Variants in IRX2 observed in about 807,000 individuals in gnomAD.
The protein encoded by IRX2 is iroquois homeobox 2.
A neutral mutation model predicts 42.9 loss-of-function variants in IRX2; 26 were observed. The observed-to-expected ratio is 0.61, with a 90% CI of 0.44 to 0.84. The LOEUF (loss-of-function observed/expected upper bound fraction) is 0.84. IRX2 is among the 40% of genes least tolerant of loss of function. The probability of loss-of-function intolerance (pLI) is 0.00; values close to 1 mark genes in which losing one functional copy is unlikely to be tolerated. For synonymous variants in IRX2, 424 were observed against 353.9 expected (o/e 1.20, Z -2.22); for missense variants, 782 against 713.9 (o/e 1.10, Z -1.09).
chr5:2,738,770 C>T, the IRX2 span, among the ~76,000 whole-genome samples: 3 of 152,180 alleles, frequency 2.0e-5, no homozygotes, highest in Admixed American at 2.0e-4. Context: ...TCCCCACCTG[C>T]GGGAGGCCAG....
intron 1 of IRX2, among the ~76,000 whole-genome samples, chr5:2,750,516 C>T (rs1737906974): frequency 6.6e-6 from 1 of 152,196 alleles, no homozygotes; most frequent in Non-Finnish European, 1.5e-5. Context: ...CCCAGGTCGC[C>T]GGAGCAGGAG....
the IRX2 span, among the ~76,000 whole-genome samples, chr5:2,736,025 T>G: frequency 1.3e-5 from 2 of 152,200 alleles, no homozygotes; most frequent in East Asian, 1.9e-4. Flanking sequence ...TCTGAGGTCT[T>G]GCCATGCTCC....
chr5:2,750,136 G>C (rs906121978), intron 1 of IRX2, among the ~76,000 whole-genome samples: 6 of 152,044 alleles, frequency 3.9e-5, no homozygotes, highest in Non-Finnish European at 7.4e-5. Context: ...AATTTCTGCA[G>C]ATGCTTGGAG....
chr5:2,746,138 T>C (rs932539323), downstream of IRX2: 6 of 152,070 alleles, frequency 3.9e-5, no homozygotes, highest in Non-Finnish European at 7.4e-5. Context: ...ATCATTCTTC[T>C]AGGAAAAATA....
rs960720879 is a variant in IRX2, at chr5:2,747,324, T to A, written c.*240A>T. ...ACACACACATATATATATATATTTTTTTTTTCCTTCCCTAGGTAAAGGAGT... is the reference window on the plus strand; with the variant it reads ...ACACACACATATATATATATATTTTATTTTTCCTTCCCTAGGTAAAGGAGT... On this transcript the variant is annotated 3_prime_UTR_variant, in exon 4 of 4. Coordinates refer to ENST00000302057, the MANE Select transcript of IRX2 (RefSeq NM_033267.5). 5.1e-4 allele frequency: 183 copies of A among 357,000 alleles called. No homozygotes were observed. Among genetic ancestry groups the A allele is most frequent in the Middle Eastern group, 1.7e-3 (2 of 1,204 alleles). The allele number at this position is 357,000 out of a possible 1,614,324, so 22.1% of individuals were successfully genotyped here. A position where few individuals can be genotyped will look rare whatever the true frequency, so the allele number is the denominator to read the frequency against.
chr5:2,750,816 G>A lies in IRX2; in HGVS notation c.249+349C>T, dbSNP rs568011932. 2.3e-3 allele frequency among the ~76,000 whole-genome samples: 351 copies of A among 152,308 alleles called. 1 individual carries two copies. Among genetic ancestry groups the A allele is most frequent in the African/African-American group, 7.9e-3 (329 of 41,576 alleles). On this transcript the variant is annotated intron_variant, in intron 1 of 3. Transcript: ENST00000302057. ...GGCGAGCACACAGCCCGCTCCGAAC[G>A]CCTCCCCAGGCTGCGGTGCGGAAAC...
At position 2,746,277 on chromosome 5, in the gene IRX2, G is replaced by T. The variant is rs977970410; in HGVS notation, c.*1287C>A. 14 of 152,154 alleles carry T rather than the reference G, an allele frequency of 9.2e-5. No homozygotes were observed. The highest frequency in any genetic ancestry group is 3.1e-4 in the African/African-American group (13 of 41,508). The allele number at this position is 152,154 out of a possible 1,614,324, so 9.4% of individuals were successfully genotyped here. A position where few individuals can be genotyped will look rare whatever the true frequency, so the allele number is the denominator to read the frequency against. ...CCAGCAATGTTCAAATAAAAACCAG[G>T]CAGAATTTATTTACAAAAAGTTTAG... On this transcript the variant is annotated 3_prime_UTR_variant, in exon 4 of 4. Coordinates refer to ENST00000302057, the MANE Select transcript of IRX2 (RefSeq NM_033267.5).
rs1470026581 is a variant in IRX2 at position 2,746,471 on chromosome 5, T to C, written c.*1093A>G. On this transcript the variant is annotated 3_prime_UTR_variant, in exon 4 of 4. Coordinates refer to ENST00000302057, the MANE Select transcript of IRX2 (RefSeq NM_033267.5). ...TTTACAGTAAATCCTATCACACCTA[T>C]AGAATATATACCGTGGCAATGAAGT... The C allele has an allele frequency of 1.3e-5, 2 of 152,248 alleles. No individual in the cohort carries two copies. Among genetic ancestry groups the C allele is most frequent in the African/African-American group, 4.8e-5 (2 of 41,462 alleles). 9.4% of individuals were successfully genotyped at this position (152,248 alleles called of 1,614,324 possible).
intron 2 of IRX2, 46 bp from the exon 3 acceptor site, chr5:2,749,098 G>A: frequency 6.3e-7 from 1 of 1,576,738 alleles, no homozygotes; most frequent in Non-Finnish European, 8.6e-7. Context: ...GACAGCGCAG[G>A]CACCTGGAGC....
At chr5:2,740,355 C>T in the IRX2 span, among the ~76,000 whole-genome samples, 1 of 152,012 alleles carries the variant, frequency 6.6e-6, no homozygotes, top group East Asian at 1.9e-4. Context: ...CGGCTCACCC[C>T]CTCTCCTGCG....
chr5:2,747,976 G>T (rs896907933), intron 3 of IRX2, among the ~76,000 whole-genome samples: 1 of 152,126 alleles, frequency 6.6e-6, no homozygotes, highest in Non-Finnish European at 1.5e-5. Context: ...CTAGCCAACG[G>T]CAGAAAAGCG....
chr5:2,743,565 C>A (rs1737591830), downstream of IRX2, among the ~76,000 whole-genome samples: 1 of 152,240 alleles, frequency 6.6e-6, no homozygotes, highest in African/African-American at 2.4e-5. Flanking sequence ...GGCCTGCACC[C>A]GCAGCAAAGC....
intron 3 of IRX2, among the ~76,000 whole-genome samples, chr5:2,747,952 C>T (rs1227306504): frequency 1.3e-5 from 2 of 152,138 alleles, no homozygotes; most frequent in African/African-American, 4.8e-5. Flanking sequence ...GTAACTGGAA[C>T]GTTCTGTTTG....
Position 2,747,620 on chromosome 5 carries a change from T to G in IRX2, c.1364-4A>C. 1 of 1,613,876 alleles carries G rather than the reference T, an allele frequency of 6.2e-7. No homozygotes were observed. The highest frequency in any genetic ancestry group is 8.5e-7 in the Non-Finnish European group (1 of 1,179,908). On this transcript the variant is annotated splice_region_variant and splice_polypyrimidine_tract_variant and intron_variant, in intron 3 of 3. Transcript: ENST00000302057. ...ACGGTGCAGCCCTCGCTGGCATCTG[T>G]CAGGGGAGTGGGCAGTTAGTCAGAA...
intron 2 of IRX2, 50 bp downstream of exon 2, chr5:2,749,332 G>A (rs764959260): frequency 1.9e-6 from 3 of 1,541,744 alleles, no homozygotes; most frequent in South Asian, 1.3e-5. Context: ...TCTGCGCCCC[G>A]CCTGGGAAGA....
downstream of IRX2, chr5:2,746,093 T>A (rs557196461): frequency 1.3e-4 from 19 of 151,698 alleles, no homozygotes; most frequent in African/African-American, 4.6e-4. Flanking sequence ...TGAGGTCAGA[T>A]CACCTGGAGG....
chr5:2,748,936 C>T lies in IRX2; in HGVS notation c.772G>A (p.Asp258Asn). 3 of 1,597,152 alleles carry T rather than the reference C, an allele frequency of 1.9e-6. No individual in the cohort carries two copies. The highest frequency in any genetic ancestry group is 3.3e-4 in the Middle Eastern group (2 of 6,054). The stretch of plus-strand genomic sequence containing the variant: ...TCGTCCTCCAGGTCGTCATACTTGT[C>T]CTTGCACTCCGAGCCCGATTCGCAC... The part of the protein sequence containing the change: ...PLCESGSECK[D>N]KYDDLEDDED... Residue 258 changes from aspartate to asparagine, a missense_variant, in exon 3 of 4, where the codon GAC becomes AAC. This residue lies in a region of IRX2 where 520 missense variants were observed against 437.8 expected (regional missense o/e 1.19). Transcript: ENST00000302057.
At chr5:2,738,951 C>T in the IRX2 span, among the ~76,000 whole-genome samples, 1 of 152,178 alleles carries the variant, frequency 6.6e-6, no homozygotes, top group African/African-American at 2.4e-5. Context: ...CCCAGGCTGC[C>T]GGGTAGGCCT....
In IRX2 at chr5:2,751,181, C is replaced by CCGG. The variant is rs751032410; in HGVS notation, c.230_232dup (p.Ala77dup). ...CCCGGTTACCATGTAGGACGGGAAGCCGGCGGCGGCGGCGGCGGCGTCGGC... is the reference window on the plus strand; with the variant it reads ...CCCGGTTACCATGTAGGACGGGAAGCCGGCGGCGGCGGCGGCGGCGGCGTCGGC... On this transcript the variant is annotated inframe_insertion, in exon 1 of 4. Transcript: ENST00000302057. The surrounding 1 kb of genome is among the most constrained non-coding windows in gnomAD (Gnocchi z 4.0). 120 of 1,266,542 alleles carry CCGG rather than the reference C, an allele frequency of 9.5e-5. No individual in the cohort carries two copies. Among genetic ancestry groups the CCGG allele is most frequent in the Middle Eastern group, 6.2e-4 (2 of 3,246 alleles). 78.5% of individuals were successfully genotyped at this position (1,266,542 alleles called of 1,614,324 possible).
Sources: gnomAD v4.1 joint callset for allele counts (sites outside exome capture counted in the v4.1 genomes callset) on GRCh38, gnomAD v4.1.1 for gene constraint, gnomAD v4.1.1 regional missense constraint, Gnocchi (gnomAD v3.1) non-coding constraint, MANE v1.5 for transcripts, NCBI Gene and HGNC (gene_info 2026-07-23, HGNC 2026-07-21) for gene names.